Variants in ITGA9 observed in about 807,000 individuals in gnomAD.
ITGA9 encodes the protein integrin alpha-9.
A neutral mutation model predicts 127.8 loss-of-function variants in ITGA9; 56 were observed. The ratio of observed to expected loss-of-function variants is 0.44; its 90% confidence interval spans 0.35 to 0.55. The LOEUF is 0.55. Ranked by LOEUF, ITGA9 falls within the 20% of genes least tolerant of loss-of-function variation. The pLI, the probability that ITGA9 is intolerant of heterozygous loss-of-function variation, is 0.00. For missense variants in ITGA9, 1,196 were observed against 1,347.1 expected (o/e 0.89, Z 1.76); for synonymous variants, 508 against 514.5 (o/e 0.99, Z 0.17).
At chr3:37,751,304 C>G (rs1052539882) in intron 23 of ITGA9, among the ~76,000 whole-genome samples, 2 of 152,174 alleles carry the variant, frequency 1.3e-5, no homozygotes, top group African/African-American at 4.8e-5. Context: ...CAGAAGAAAG[C>G]CGCCAGTGTT....
At chr3:37,615,251 T>C (rs1700062864) in intron 15 of ITGA9, among the ~76,000 whole-genome samples, 1 of 152,222 alleles carries the variant, frequency 6.6e-6, no homozygotes, top group African/African-American at 2.4e-5. Flanking sequence ...TGGTTCTGTT[T>C]ATATGCTGGA....
chr3:37,543,383 G>A (rs962266147), intron 15 of ITGA9, among the ~76,000 whole-genome samples: 1 of 152,200 alleles, frequency 6.6e-6, no homozygotes, highest in Non-Finnish European at 1.5e-5. Flanking sequence ...TGTGTATCCA[G>A]CTGGACACAT....
intron 6 of ITGA9, among the ~76,000 whole-genome samples, chr3:37,504,340 G>A (rs1698818943): frequency 6.6e-6 from 1 of 152,178 alleles, no homozygotes. Flanking sequence ...AAACTGAGGA[G>A]CAAAGAAATT....
intron 23 of ITGA9, among the ~76,000 whole-genome samples, chr3:37,765,374 G>T (rs1351154111): frequency 6.6e-6 from 1 of 152,118 alleles, no homozygotes; most frequent in Non-Finnish European, 1.5e-5. Flanking sequence ...TACAAACTTT[G>T]GTCAGGGATT....
rs1697469354 is a variant in ITGA9 at position 37,818,459 on chromosome 3, C to G, written c.3010-432C>G. The G allele has an allele frequency of 1.6e-5, 3 of 190,250 alleles. No individual in the cohort carries two copies. In the South Asian group the frequency reaches 2.9e-4, roughly 18 times the overall value. 11.8% of individuals were successfully genotyped at this position (190,250 alleles called of 1,614,324 possible). ...TGTATTTTTAGTAGAGACAGGGTTTCACCATGTTGGCCAGGCTGCTCTCAA... is the reference window on the plus strand; with the variant it reads ...TGTATTTTTAGTAGAGACAGGGTTTGACCATGTTGGCCAGGCTGCTCTCAA... On this transcript the variant is annotated intron_variant, in intron 27 of 27. Transcript: ENST00000264741.
chr3:37,637,236 T>A (rs1006814543), intron 16 of ITGA9, among the ~76,000 whole-genome samples: 2 of 152,226 alleles, frequency 1.3e-5, no homozygotes, highest in African/African-American at 4.8e-5. Context: ...TATGGCCATT[T>A]TCACGATATT....
intron 18 of ITGA9, among the ~76,000 whole-genome samples, chr3:37,729,014 A>G (rs1276892174): frequency 6.6e-6 from 1 of 151,820 alleles, no homozygotes; most frequent in African/African-American, 2.4e-5. Context: ...ACCCACATCA[A>G]TCAGAGGCTA....
At chr3:37,747,996 C>A in intron 22 of ITGA9, 1 of 288,050 alleles carries the variant, frequency 3.5e-6, no homozygotes. Context: ...TTTTACTTAG[C>A]ATAATGACCT....
At chr3:37,490,618 A>C (rs557216894) in intron 4 of ITGA9, among the ~76,000 whole-genome samples, 1 of 152,356 alleles carries the variant, frequency 6.6e-6, no homozygotes, top group East Asian at 1.9e-4. Context: ...TGGAAAGGGT[A>C]CAGGAAGTGA....
In ITGA9 at chr3:37,517,510, C is replaced by T; in HGVS notation, c.1042C>T (p.Leu348Phe). The change falls in exon 10 of 28, where the codon CTC (leucine) becomes TTC (phenylalanine). Residue 348 changes from leucine to phenylalanine, a missense_variant. Leu to Phe is a conservative substitution (Grantham distance 22). Coordinates refer to ENST00000264741, the MANE Select transcript of ITGA9 (RefSeq NM_002207.3). ...TVYINRGNGA[L>F]EEQLALTGDG... Reference sequence around the variant, plus strand: ...CCTCCATCCTGTTTCCCAGGGAGCCCTCGAGGAGCAGCTGGCTCTGACTGG... The same window carrying T: ...CCTCCATCCTGTTTCCCAGGGAGCCTTCGAGGAGCAGCTGGCTCTGACTGG... 6.3e-7 allele frequency: 1 copy of T among 1,589,162 alleles called. No individual in the cohort carries two copies. The highest frequency in any genetic ancestry group is 8.6e-7 in the Non-Finnish European group (1 of 1,166,916).
intron 18 of ITGA9, among the ~76,000 whole-genome samples, chr3:37,718,901 G>A (rs1339740408): frequency 1.3e-5 from 2 of 152,182 alleles, no homozygotes; most frequent in Non-Finnish European, 2.9e-5. Flanking sequence ...TCATGCCAAG[G>A]TGAAGGGCTT....
chr3:37,755,464 G>A (rs1022038704), intron 23 of ITGA9, among the ~76,000 whole-genome samples: 1 of 152,180 alleles, frequency 6.6e-6, no homozygotes, highest in African/African-American at 2.4e-5. Flanking sequence ...AGAGGGTGCA[G>A]TAACAAGGCC....
At chr3:37,561,155 G>A (rs1295192419) in intron 15 of ITGA9, among the ~76,000 whole-genome samples, 1 of 152,054 alleles carries the variant, frequency 6.6e-6, no homozygotes, top group Non-Finnish European at 1.5e-5. Context: ...GAATTTTGGG[G>A]GAACACAGTT....
intron 6 of ITGA9, among the ~76,000 whole-genome samples, chr3:37,503,562 A>G (rs1335886432): frequency 2.0e-5 from 3 of 152,246 alleles, no homozygotes; most frequent in East Asian, 1.9e-4. Flanking sequence ...CTCCAGGGAA[A>G]TAAACATTTT....
intron 1 of ITGA9, among the ~76,000 whole-genome samples, chr3:37,454,698 C>A (rs1698237716): frequency 6.6e-6 from 1 of 152,216 alleles, no homozygotes; most frequent in Non-Finnish European, 1.5e-5. Flanking sequence ...TCCTCCCTCA[C>A]CCACCATATT....
chr3:37,647,135 A>C (rs1166755079), intron 16 of ITGA9, among the ~76,000 whole-genome samples: 1 of 152,016 alleles, frequency 6.6e-6, no homozygotes, highest in African/African-American at 2.4e-5. Flanking sequence ...TTTACCTATT[A>C]AACAATTGCA....
At chr3:37,603,094 A>G (rs1383043014) in intron 15 of ITGA9, among the ~76,000 whole-genome samples, 1 of 152,168 alleles carries the variant, frequency 6.6e-6, no homozygotes. Flanking sequence ...CAATTCCTTT[A>G]TTACTTCATG....
At chr3:37,622,341 G>A (rs1700136461) in intron 15 of ITGA9, among the ~76,000 whole-genome samples, 3 of 151,666 alleles carry the variant, frequency 2.0e-5, no homozygotes, top group Admixed American at 6.6e-5. Context: ...CACCTGCCTC[G>A]GCCTCCCAAA....
rs1356362902 is a variant in ITGA9 at position 37,597,492 on chromosome 3, G to A, written c.1690-31695G>A. Among the ~76,000 whole-genome samples, 1 of 152,178 alleles carries A rather than the reference G, an allele frequency of 6.6e-6. No individual in the cohort carries two copies. Among genetic ancestry groups the A allele is most frequent in the African/African-American group, 2.4e-5 (1 of 41,442 alleles). On this transcript the variant is annotated intron_variant, in intron 15 of 27. Transcript: ENST00000264741. This position sits in a 1 kb window ranked among gnomAD's most constrained non-coding sequence, Gnocchi z 4.6. Reference sequence around the variant, plus strand: ...GCAGGCTGCAGAAAAGGCAGGATACGAGGTAGAACTCCCACAGTTTCCTCA... The same window carrying A: ...GCAGGCTGCAGAAAAGGCAGGATACAAGGTAGAACTCCCACAGTTTCCTCA...
Sources: gnomAD v4.1 joint callset for allele counts (sites outside exome capture counted in the v4.1 genomes callset) on GRCh38, gnomAD v4.1.1 for gene constraint, Gnocchi (gnomAD v3.1) non-coding constraint, MANE v1.5 for transcripts, NCBI Gene and HGNC (gene_info 2026-07-23, HGNC 2026-07-21) for gene names.